The following ANO10 variants were observed in gnomAD, a reference collection of about 807,000 sequenced individuals.
ANO10 encodes anoctamin 10.
Under a neutral mutation model 74.7 loss-of-function variants are expected in ANO10, and 77 were observed. That is an observed-to-expected ratio of 1.03 (90% CI 0.86 to 1.25). The LOEUF is 1.25. Ranked by LOEUF, ANO10 falls within the 50% of genes most tolerant of loss-of-function variation. The pLI, the probability that ANO10 is intolerant of heterozygous loss-of-function variation, is 0.00. For missense variants in ANO10, 721 were observed against 778.1 expected (o/e 0.93, Z 0.87); for synonymous variants, 279 against 284.9 (o/e 0.98, Z 0.21).
chr3:43,428,796 C>CAAAAAAAAGAAAAAAAA, intron 12 of ANO10, among the ~76,000 whole-genome samples: 1 of 55,424 alleles, frequency 1.8e-5, no homozygotes, highest in Non-Finnish European at 3.2e-5. Context: ...TTTGTGAATG[C>CAAAAAAAAGAAAAAAAA]AAAAAAAAAA....
intron 12 of ANO10, among the ~76,000 whole-genome samples, chr3:43,409,628 C>G (rs909973267): frequency 2.6e-5 from 4 of 152,130 alleles, no homozygotes; most frequent in African/African-American, 4.8e-5. Flanking sequence ...TCTTTCAGAA[C>G]CTTGTTTATC....
chr3:43,495,572 G>A (rs2076883099), intron 11 of ANO10, among the ~76,000 whole-genome samples: 1 of 152,126 alleles, frequency 6.6e-6, no homozygotes, highest in African/African-American at 2.4e-5. Flanking sequence ...GTCATGTGTA[G>A]GCAGCTTCAC....
chr3:43,660,264 A>G (rs2083910924), intron 1 of ANO10, among the ~76,000 whole-genome samples: 1 of 152,200 alleles, frequency 6.6e-6, no homozygotes, highest in Non-Finnish European at 1.5e-5. Context: ...AGTTGACAGA[A>G]GTAGGCTTCA....
At chr3:43,659,792 C>G (rs1223917519) in intron 1 of ANO10, among the ~76,000 whole-genome samples, 1 of 152,196 alleles carries the variant, frequency 6.6e-6, no homozygotes, top group Non-Finnish European at 1.5e-5. Context: ...GTCCCTGACC[C>G]CCATGTAGCC....
intron 2 of ANO10, among the ~76,000 whole-genome samples, chr3:43,603,914 T>C (rs1160228801): frequency 2.6e-5 from 4 of 151,932 alleles, no homozygotes; most frequent in Non-Finnish European, 4.4e-5. Context: ...AGTGGTGGAG[T>C]AGGGGAAAGG....
intron 11 of ANO10, among the ~76,000 whole-genome samples, chr3:43,527,907 C>G (rs2078279057): frequency 6.6e-6 from 1 of 152,004 alleles, no homozygotes; most frequent in Non-Finnish European, 1.5e-5. Context: ...TAGGAAGGCA[C>G]CATTTTGAGG....
chr3:43,640,516 A>G (rs2083660809), intron 1 of ANO10, among the ~76,000 whole-genome samples: 1 of 152,170 alleles, frequency 6.6e-6, no homozygotes, highest in Non-Finnish European at 1.5e-5. Context: ...GAATCATGCA[A>G]ACTGGAACCC....
intron 11 of ANO10, among the ~76,000 whole-genome samples, chr3:43,520,196 C>T (rs1575328051): frequency 6.6e-6 from 1 of 152,188 alleles, no homozygotes; most frequent in Admixed American, 6.6e-5. Context: ...TCCTCCTCCC[C>T]AGCTCTTACT....
At chr3:43,439,349 T>G (rs2093124114) in intron 11 of ANO10, among the ~76,000 whole-genome samples, 1 of 150,532 alleles carries the variant, frequency 6.6e-6, no homozygotes, top group South Asian at 2.1e-4. Flanking sequence ...CTGAGGGATT[T>G]CATCACTACT....
intron 11 of ANO10, among the ~76,000 whole-genome samples, chr3:43,510,279 A>G (rs1161827089): frequency 6.6e-6 from 1 of 151,948 alleles, no homozygotes; most frequent in African/African-American, 2.4e-5. Context: ...AAAATACAAA[A>G]AGTTAGCCAG....
At chr3:43,561,512 T>A in intron 8 of ANO10, 110 bp from the exon 9 acceptor site, 1 of 987,802 alleles carries the variant, frequency 1.0e-6, no homozygotes, top group Non-Finnish European at 1.5e-6. Flanking sequence ...TAAATACAAT[T>A]ATGCAACAAA....
chr3:43,668,493 CTTT>C (rs895790849), intron 1 of ANO10, among the ~76,000 whole-genome samples: 29 of 152,062 alleles, frequency 1.9e-4, no homozygotes, highest in Non-Finnish European at 5.9e-5. Flanking sequence ...GCCATGAATT[CTTT>C]GCCTAAGCCA....
chr3:43,545,071 C>A (rs1021341305), intron 11 of ANO10, among the ~76,000 whole-genome samples: 1 of 152,000 alleles, frequency 6.6e-6, no homozygotes, highest in South Asian at 2.1e-4. Flanking sequence ...TCCATCAAGA[C>A]GTTAAAAATT....
intron 1 of ANO10, among the ~76,000 whole-genome samples, chr3:43,675,758 AAC>A (rs1029937684): frequency 4.6e-5 from 7 of 152,156 alleles, no homozygotes; most frequent in Non-Finnish European, 1.0e-4. Context: ...TAAAATAAAA[AAC>A]AGAGACAACA....
intron 6 of ANO10, among the ~76,000 whole-genome samples, chr3:43,575,090 A>T (rs1047887180): frequency 6.6e-6 from 1 of 152,196 alleles, no homozygotes; most frequent in South Asian, 2.1e-4. Flanking sequence ...ATTATTTTTT[A>T]AATTACTGCT....
At chr3:43,652,285 C>G (rs2083796790) in intron 1 of ANO10, among the ~76,000 whole-genome samples, 1 of 152,060 alleles carries the variant, frequency 6.6e-6, no homozygotes, top group Non-Finnish European at 1.5e-5. Flanking sequence ...GTGGCACTTG[C>G]TGGCATAAGG....
intron 10 of ANO10, chr3:43,551,647 T>C (rs540885036): frequency 6.8e-5 from 30 of 439,534 alleles, no homozygotes; most frequent in African/African-American, 6.0e-4. Context: ...ACATTTAAGA[T>C]TGCTATGTCT....
chr3:43,499,456 G>A (rs1203001096), intron 11 of ANO10, among the ~76,000 whole-genome samples: 1 of 152,078 alleles, frequency 6.6e-6, no homozygotes, highest in East Asian at 1.9e-4. Context: ...ATAGGAAGTA[G>A]GCTGACAGGA....
chr3:43,589,656 T>C (rs899622807), intron 4 of ANO10, among the ~76,000 whole-genome samples: 5 of 152,310 alleles, frequency 3.3e-5, no homozygotes, highest in Middle Eastern at 3.4e-3. Flanking sequence ...GCAATCACTA[T>C]AGAGAGCAAT....
Sources: gnomAD v4.1 joint callset for allele counts (sites outside exome capture counted in the v4.1 genomes callset) on GRCh38, gnomAD v4.1.1 for gene constraint, MANE v1.5 for transcripts, NCBI Gene and HGNC (gene_info 2026-07-23, HGNC 2026-07-21) for gene names.